Variants in TPRG1 observed in about 807,000 individuals in gnomAD.
TPRG1 encodes the protein tumor protein p63-regulated gene 1 protein.
In TPRG1, 29 loss-of-function variants were observed where a neutral mutation model predicts 29.3. That is an observed-to-expected ratio of 0.99 (90% CI 0.74 to 1.35). The LOEUF (loss-of-function observed/expected upper bound fraction) is 1.35. Among genes scored for constraint, TPRG1 ranks in the 40% most tolerant of loss-of-function variants. The pLI, the probability that TPRG1 is intolerant of heterozygous loss-of-function variation, is 0.00. For synonymous variants in TPRG1, 130 were observed against 116.8 expected (o/e 1.11, Z -0.73); for missense variants, 327 against 335.0 (o/e 0.98, Z 0.19).
chr3:189,113,722 A>C (rs1193158824), intron 1 of TPRG1, among the ~76,000 whole-genome samples: 1 of 151,722 alleles, frequency 6.6e-6, no homozygotes, highest in Non-Finnish European at 1.5e-5. Context: ...GAACAATGAG[A>C]ACACATGGAC....
chr3:189,021,068 G>C (rs1340304693), intron 3 of TPRG1, among the ~76,000 whole-genome samples: 1 of 146,540 alleles, frequency 6.8e-6, no homozygotes, highest in Admixed American at 6.8e-5. Flanking sequence ...GCCTTTTTTT[G>C]TTTTCCATTT....
intron 4 of TPRG1, among the ~76,000 whole-genome samples, chr3:189,081,578 A>C (rs910885204): frequency 6.6e-6 from 1 of 152,220 alleles, no homozygotes; most frequent in Non-Finnish European, 1.5e-5. Context: ...TGATACAGAA[A>C]AGTTGATAAA....
At chr3:189,083,246 G>A (rs943342055) in intron 4 of TPRG1, among the ~76,000 whole-genome samples, 1 of 152,192 alleles carries the variant, frequency 6.6e-6, no homozygotes, top group African/African-American at 2.4e-5. Flanking sequence ...CATCCTTGGG[G>A]CCAGAGGCCT....
intron 4 of TPRG1, among the ~76,000 whole-genome samples, chr3:189,042,696 A>T (rs1714707860): frequency 6.6e-6 from 1 of 152,020 alleles, no homozygotes; most frequent in African/African-American, 2.4e-5. Context: ...CATGAAAATG[A>T]ACTCAATCAT....
chr3:189,101,370 A>G (rs1719178815), intron 1 of TPRG1, among the ~76,000 whole-genome samples: 1 of 151,992 alleles, frequency 6.6e-6, no homozygotes, highest in Non-Finnish European at 1.5e-5. Context: ...TTACTGTTCC[A>G]AAATGTTATT....
chr3:189,281,961 A>G (rs1006146343), intron 4 of TPRG1, among the ~76,000 whole-genome samples: 7 of 151,828 alleles, frequency 4.6e-5, no homozygotes. Flanking sequence ...GCTCACTGCA[A>G]CCTCTGCCTC....
chr3:189,213,520 G>C (rs1442755325), intron 2 of TPRG1, among the ~76,000 whole-genome samples: 3 of 152,166 alleles, frequency 2.0e-5, no homozygotes, highest in Non-Finnish European at 4.4e-5. Flanking sequence ...GAACAGCACA[G>C]TGAGAAGACT....
chr3:189,324,068 G>T lies in TPRG1; in HGVS notation c.*3248G>T, dbSNP rs1724528309. On this transcript the variant is annotated 3_prime_UTR_variant, in exon 6 of 6. Transcript: ENST00000345063. Reference sequence around the variant, plus strand: ...GTCAATTGGGCCTGTTTGGAGGCCTGACCTTTGGTCATCTTAAGGTCATCT... The same window carrying T: ...GTCAATTGGGCCTGTTTGGAGGCCTTACCTTTGGTCATCTTAAGGTCATCT... 6.6e-6 allele frequency: 1 copy of T among 152,126 alleles called. No homozygotes were observed. Among genetic ancestry groups the T allele is most frequent in the African/African-American group, 2.4e-5 (1 of 41,426 alleles). 9.4% of individuals were successfully genotyped at this position (152,126 alleles called of 1,614,324 possible).
chr3:189,123,885 C>T (rs954104042), intron 1 of TPRG1, among the ~76,000 whole-genome samples: 1 of 152,158 alleles, frequency 6.6e-6, no homozygotes, highest in African/African-American at 2.4e-5. Flanking sequence ...TGGAGTCTCT[C>T]TCGCTCAGAC....
chr3:189,105,683 C>T (rs368283939), intron 1 of TPRG1, among the ~76,000 whole-genome samples: 2 of 152,078 alleles, frequency 1.3e-5, no homozygotes, highest in African/African-American at 2.4e-5. Context: ...TCTGGTCTAC[C>T]AGTTTTACTG....
intron 3 of TPRG1, among the ~76,000 whole-genome samples, chr3:189,012,605 G>C (rs1036166447): frequency 8.5e-5 from 13 of 152,086 alleles, no homozygotes; most frequent in African/African-American, 3.1e-4. Context: ...GTATAATTCA[G>C]CTGTGAATCT....
intron 5 of TPRG1, among the ~76,000 whole-genome samples, chr3:189,313,964 A>G (rs1280324024): frequency 6.6e-6 from 1 of 152,202 alleles, no homozygotes; most frequent in Non-Finnish European, 1.5e-5. Flanking sequence ...TAGATAATAG[A>G]TATAAGAGCC....
At chr3:189,219,028 A>T (rs1470028189) in intron 3 of TPRG1, among the ~76,000 whole-genome samples, 1 of 152,230 alleles carries the variant, frequency 6.6e-6, no homozygotes, top group African/African-American at 2.4e-5. Context: ...TTTCCATTGT[A>T]TAAAGACCAC....
At chr3:189,187,129 G>C (rs1367659614) in intron 1 of TPRG1, among the ~76,000 whole-genome samples, 2 of 151,266 alleles carry the variant, frequency 1.3e-5, no homozygotes, top group Non-Finnish European at 2.9e-5. Context: ...TGGGATCACA[G>C]ATTCGCACCA....
intron 4 of TPRG1, among the ~76,000 whole-genome samples, chr3:189,278,682 C>T (rs561049904): frequency 6.6e-6 from 1 of 152,208 alleles, no homozygotes; most frequent in Non-Finnish European, 1.5e-5. Flanking sequence ...ATCTCCTATG[C>T]TTCTGTGTGT....
chr3:189,043,275 G>A (rs1333161990), intron 4 of TPRG1, among the ~76,000 whole-genome samples: 1 of 152,184 alleles, frequency 6.6e-6, no homozygotes, highest in Non-Finnish European at 1.5e-5. Flanking sequence ...ACAACATGAT[G>A]GGGATACAGA....
At chr3:189,056,897 A>T (rs1426434321) in intron 4 of TPRG1, among the ~76,000 whole-genome samples, 1 of 152,196 alleles carries the variant, frequency 6.6e-6, no homozygotes, top group East Asian at 1.9e-4. Context: ...CTATGTCACG[A>T]TTGAAGATGA....
At chr3:189,145,862 G>A (rs551643146) in intron 3 of TPRG1, among the ~76,000 whole-genome samples, 2 of 152,272 alleles carry the variant, frequency 1.3e-5, no homozygotes, top group African/African-American at 4.8e-5. Context: ...CAGAAAGTAC[G>A]TTAATGATGA....
rs573706690 is a variant in TPRG1, at chr3:189,207,566, A to C, written c.182A>C (p.Tyr61Ser). The part of the protein sequence containing the change: ...TLYPNPYHQP[Y>S]ISRKYFATRP... ...TACCCCAATCCTTATCATCAGCCTTATATCTCACGGAAGTACTTTGCTACA... is the reference window on the plus strand; with the variant it reads ...TACCCCAATCCTTATCATCAGCCTTCTATCTCACGGAAGTACTTTGCTACA... The change falls in exon 2 of 6, where the codon TAT becomes TCT. Residue 61 changes from tyrosine (Y) to serine (S), a missense_variant. Transcript: ENST00000345063. 1.1e-5 allele frequency: 17 copies of C among 1,614,062 alleles called. No homozygotes were observed. In the East Asian group the frequency reaches 3.3e-4, roughly 32 times the overall value.
Sources: allele counts gnomAD v4.1 joint callset (sites outside exome capture counted in the v4.1 genomes callset), GRCh38; gene constraint gnomAD v4.1.1; transcripts MANE v1.5; gene names NCBI Gene and HGNC (gene_info 2026-07-23, HGNC 2026-07-21).